Variants in TRIM66 observed in about 807,000 individuals in gnomAD.
The protein encoded by TRIM66 is tripartite motif-containing protein 66.
TRIM66 carries 99 observed loss-of-function variants against 148.2 expected under a neutral mutation model. The observed-to-expected ratio is 0.67, with a 90% CI of 0.57 to 0.79. The LOEUF is 0.79. TRIM66 is among the 30% of genes least tolerant of loss of function. The pLI is 0.00. For synonymous variants in TRIM66, 616 were observed against 635.9 expected (o/e 0.97, Z 0.47); for missense variants, 1,666 against 1,697.9 (o/e 0.98, Z 0.33).
Position 8,617,808 on chromosome 11 carries a change from G to T in TRIM66, c.*136C>A. ...CCAAATAAATGCTGTAGATGCAAATGGCAAAGAAGAGCACTACACAGTTCA... is the reference window on the plus strand; with the variant it reads ...CCAAATAAATGCTGTAGATGCAAATTGCAAAGAAGAGCACTACACAGTTCA... On this transcript the variant is annotated 3_prime_UTR_variant, in exon 25 of 25. Coordinates refer to ENST00000646038, the MANE Select transcript of TRIM66 (RefSeq NM_001388022.1). 1 of 778,564 alleles carries T rather than the reference G, an allele frequency of 1.3e-6. No individual in the cohort carries two copies. Among genetic ancestry groups the T allele is most frequent in the Non-Finnish European group, 2.1e-6 (1 of 471,742 alleles). 48.2% of individuals were successfully genotyped at this position (778,564 alleles called of 1,614,324 possible).
chr11:8,651,490 T>A (rs1210539319), intron 7 of TRIM66, among the ~76,000 whole-genome samples: 1 of 152,124 alleles, frequency 6.6e-6, no homozygotes, highest in Non-Finnish European at 1.5e-5. Flanking sequence ...CAGCAAGAGC[T>A]GTAAGAGAGA....
At chr11:8,677,023 A>G (rs1343873321) in intron 3 of TRIM66, among the ~76,000 whole-genome samples, 1 of 152,220 alleles carries the variant, frequency 6.6e-6, no homozygotes, top group South Asian at 2.1e-4. Flanking sequence ...ATCTTACCAC[A>G]TCTATATCTA....
rs905067735 is a variant in TRIM66, at chr11:8,658,650, C to T, written c.341-6747G>A. ...ATGGAATAACAGGCTCACGCAGCAG[C>T]GGTGCCTGCACAGCCAGAGCTCAAG... On this transcript the variant is annotated intron_variant, in intron 6 of 24. Coordinates refer to ENST00000646038, the MANE Select transcript of TRIM66 (RefSeq NM_001388022.1). 7.7e-5 allele frequency: 32 copies of T among 413,684 alleles called. 1 individual carries two copies. Among genetic ancestry groups the T allele is most frequent in the Non-Finnish European group, 1.0e-4 (31 of 307,640 alleles). The allele number at this position is 413,684 out of a possible 1,614,324, so 25.6% of individuals were successfully genotyped here. A position where few individuals can be genotyped will look rare whatever the true frequency, so the allele number is the denominator to read the frequency against.
At chr11:8,627,185 T>C (rs776850768) in intron 15 of TRIM66, among the ~76,000 whole-genome samples, 8 of 152,264 alleles carry the variant, frequency 5.3e-5, no homozygotes, top group Non-Finnish European at 1.0e-4. Context: ...TTATCTATTT[T>C]GCTTACCCAC....
chr11:8,683,190 T>C (rs376923224), upstream of TRIM66: 8 of 1,613,976 alleles, frequency 5.0e-6, no homozygotes, highest in Non-Finnish European at 6.8e-6. Context: ...CCACCAAGCT[T>C]TTTCCACACA....
intron 9 of TRIM66, 145 bp downstream of exon 9, chr11:8,648,271 C>G: frequency 1.5e-6 from 2 of 1,342,124 alleles, no homozygotes; most frequent in Non-Finnish European, 2.0e-6. Context: ...AGTCCTACAA[C>G]AGGAGCAGAG....
intron 6 of TRIM66, among the ~76,000 whole-genome samples, chr11:8,668,742 C>T (rs1377348775): frequency 3.3e-5 from 5 of 152,082 alleles, no homozygotes; most frequent in South Asian, 4.1e-4. Flanking sequence ...CACGCTGCCA[C>T]GCCCAGCCAA....
At chr11:8,652,435 G>C (rs1565543436) in intron 6 of TRIM66, among the ~76,000 whole-genome samples, 1 of 152,130 alleles carries the variant, frequency 6.6e-6, no homozygotes, top group East Asian at 1.9e-4. Flanking sequence ...TTTTCTCTTA[G>C]TACAGCATAT....
chr11:8,679,297 A>G (rs1159774510), intron 3 of TRIM66: 3 of 152,248 alleles, frequency 2.0e-5, no homozygotes, highest in Non-Finnish European at 4.4e-5. Context: ...AGGGAGCTGG[A>G]TAGAAAACTG....
chr11:8,637,816 A>G (rs1324926813), intron 15 of TRIM66, among the ~76,000 whole-genome samples: 2 of 152,080 alleles, frequency 1.3e-5, no homozygotes, highest in Non-Finnish European at 2.9e-5. Context: ...AGAAGACAAT[A>G]GCGTAAGTGA....
At chr11:8,624,214 C>T (rs1185897776) in intron 17 of TRIM66, 145 bp downstream of exon 17, 16 of 917,010 alleles carry the variant, frequency 1.7e-5, no homozygotes, top group Middle Eastern at 3.3e-4. Context: ...AAGACAGTTC[C>T]GGAGGAGAGA....
Position 8,612,503 on chromosome 11 carries a change from A to T in TRIM66, c.*5441T>A, listed in dbSNP as rs548183833. Reference sequence around the variant, plus strand: ...TCCAAGGTTACACAGCTCATAATGGAAAGAGCCAAAAATTTTGGTGTTCAG... The same window carrying T: ...TCCAAGGTTACACAGCTCATAATGGTAAGAGCCAAAAATTTTGGTGTTCAG... On this transcript the variant is annotated 3_prime_UTR_variant, in exon 25 of 25. Transcript: ENST00000646038. 1 of 152,362 alleles carries T rather than the reference A, an allele frequency of 6.6e-6. No individual in the cohort carries two copies. Among genetic ancestry groups the T allele is most frequent in the African/African-American group, 2.4e-5 (1 of 41,576 alleles). The allele number at this position is 152,362 out of a possible 1,614,324, so 9.4% of individuals were successfully genotyped here. A position where few individuals can be genotyped will look rare whatever the true frequency, so the allele number is the denominator to read the frequency against.
intron 10 of TRIM66, among the ~76,000 whole-genome samples, chr11:8,646,995 T>C (rs1378916122): frequency 6.6e-6 from 1 of 150,996 alleles, no homozygotes; most frequent in Non-Finnish European, 1.5e-5. Flanking sequence ...GAGTGACTAA[T>C]AATGTTTATA....
At chr11:8,678,364 T>A (rs1184225389) in intron 3 of TRIM66, among the ~76,000 whole-genome samples, 1 of 152,190 alleles carries the variant, frequency 6.6e-6, no homozygotes, top group Non-Finnish European at 1.5e-5. Context: ...GACTGGGTAG[T>A]GATACGAAAA....
At chr11:8,626,114 T>G (rs866258506) in intron 15 of TRIM66, among the ~76,000 whole-genome samples, 4 of 152,196 alleles carry the variant, frequency 2.6e-5, no homozygotes, top group African/African-American at 9.7e-5. Context: ...GATACAGATT[T>G]CTGTACTGAA....
rs182891116 is a variant in TRIM66, at chr11:8,648,340, G to A, written c.725+76C>T. The A allele has an allele frequency of 4.1e-4, 624 of 1,514,918 alleles. 1 individual carries two copies. Among genetic ancestry groups the A allele is most frequent in the East Asian group, 1.2e-3 (49 of 40,578 alleles). 93.8% of individuals were successfully genotyped at this position (1,514,918 alleles called of 1,614,324 possible). Reference sequence around the variant, plus strand: ...GGGCAGGGAGAAGATTCTGATGCACGGGGATTCCCAGAGCTCTCACAAGTA... The same window carrying A: ...GGGCAGGGAGAAGATTCTGATGCACAGGGATTCCCAGAGCTCTCACAAGTA... On this transcript the variant is annotated intron_variant, in intron 9 of 24. Coordinates refer to ENST00000646038, the MANE Select transcript of TRIM66 (RefSeq NM_001388022.1).
At chr11:8,682,408 G>C (rs145631877) in intron 1 of TRIM66, 193 bp downstream of exon 1, 2 of 239,314 alleles carry the variant, frequency 8.4e-6, no homozygotes, top group East Asian at 2.8e-4. Context: ...GAGGTGCGCG[G>C]GGCGGCTCAG....
Position 8,616,784 on chromosome 11 carries a change from T to C in TRIM66, c.*1160A>G, listed in dbSNP as rs2033748763. The C allele has an allele frequency of 6.6e-6, 1 of 152,198 alleles. No homozygotes were observed. Among genetic ancestry groups the C allele is most frequent in the South Asian group, 2.1e-4 (1 of 4,832 alleles). 9.4% of individuals were successfully genotyped at this position (152,198 alleles called of 1,614,324 possible). Reference sequence around the variant, plus strand: ...AATGTCTAGATCTGGCCCCTGTTGGTCCCTGAGGCCTTCTCTAACCTCCAA... The same window carrying C: ...AATGTCTAGATCTGGCCCCTGTTGGCCCCTGAGGCCTTCTCTAACCTCCAA... On this transcript the variant is annotated 3_prime_UTR_variant, in exon 25 of 25. Coordinates refer to ENST00000646038, the MANE Select transcript of TRIM66 (RefSeq NM_001388022.1).
chr11:8,624,696 AT>A lies in TRIM66; in HGVS notation c.2826+16del. On this transcript the variant is annotated intron_variant, in intron 16 of 24. Coordinates refer to ENST00000646038, the MANE Select transcript of TRIM66 (RefSeq NM_001388022.1). The stretch of plus-strand genomic sequence containing the variant: ...GATGAACAAAGGAAGTTTGGATAGC[AT>A]TTCCCCAGGACTTACCTTACACAGA... 6.7e-7 allele frequency: 1 copy of A among 1,486,544 alleles called. No homozygotes were observed. Among genetic ancestry groups the A allele is most frequent in the Non-Finnish European group, 9.0e-7 (1 of 1,115,474 alleles). The allele number at this position is 1,486,544 out of a possible 1,614,324, so 92.1% of individuals were successfully genotyped here.
Sources: gnomAD v4.1 joint callset for allele counts (sites outside exome capture counted in the v4.1 genomes callset) on GRCh38, gnomAD v4.1.1 for gene constraint, MANE v1.5 for transcripts, NCBI Gene and HGNC (gene_info 2026-07-23, HGNC 2026-07-21) for gene names.